Variants in ITPR2 observed in about 807,000 individuals in gnomAD.
ITPR2 encodes inositol 1,4,5-trisphosphate-gated calcium channel ITPR2.
ITPR2 carries 207 observed loss-of-function variants against 317.1 expected under a neutral mutation model. That is an observed-to-expected ratio of 0.65 (90% CI 0.58 to 0.73). The LOEUF (loss-of-function observed/expected upper bound fraction) is 0.73. ITPR2 is among the 30% of genes least tolerant of loss of function. The pLI, the probability that ITPR2 is intolerant of heterozygous loss-of-function variation, is 0.00. For missense variants in ITPR2, 2,613 were observed against 3,284.0 expected (o/e 0.80, Z 4.99); for synonymous variants, 1,156 against 1,149.1 (o/e 1.01, Z -0.12).
At chr12:26,680,457 GTTTT>G (rs1340674639) in intron 13 of ITPR2, among the ~76,000 whole-genome samples, 1 of 151,968 alleles carries the variant, frequency 6.6e-6, no homozygotes, top group Non-Finnish European at 1.5e-5. Flanking sequence ...AGCTTACACT[GTTTT>G]TTAAATTTTT....
chr12:26,705,519 G>A (rs1471945330), intron 9 of ITPR2, among the ~76,000 whole-genome samples: 1 of 152,010 alleles, frequency 6.6e-6, no homozygotes, highest in Non-Finnish European at 1.5e-5. Context: ...ACTCCCTAAT[G>A]ATCTTACCTG....
At chr12:26,720,899 G>A (rs1256835434) in intron 5 of ITPR2, among the ~76,000 whole-genome samples, 1 of 152,100 alleles carries the variant, frequency 6.6e-6, no homozygotes, top group African/African-American at 2.4e-5. Context: ...TATAATCCAC[G>A]GCTAATTTAA....
chr12:26,800,253 T>C (rs985879575), intron 1 of ITPR2, among the ~76,000 whole-genome samples: 1 of 152,164 alleles, frequency 6.6e-6, no homozygotes, highest in East Asian at 1.9e-4. Flanking sequence ...AAAAGTTTTA[T>C]ACTTGATATA....
At position 26,351,980 on chromosome 12, in the gene ITPR2, G is replaced by A. The variant is rs185337214; in HGVS notation, c.7858-11652C>T. 3.3e-5 allele frequency among the ~76,000 whole-genome samples: 5 copies of A among 152,318 alleles called. No homozygotes were observed. In the East Asian group the frequency reaches 9.7e-4, roughly 29 times the overall value. On this transcript the variant is annotated intron_variant, in intron 55 of 56. Coordinates refer to ENST00000381340, the MANE Select transcript of ITPR2 (RefSeq NM_002223.4). ...AGATTTCTTCATGGTGAGATTAAGG[G>A]AAAACATTTGGAATAGGGTATTGAA...
intron 23 of ITPR2, among the ~76,000 whole-genome samples, chr12:26,626,245 G>A (rs1045858721): frequency 3.9e-5 from 6 of 152,230 alleles, no homozygotes; most frequent in Admixed American, 2.6e-4. Context: ...GATTACAGGC[G>A]TGAGCCACCA....
At chr12:26,748,748 C>A (rs913806304) in intron 2 of ITPR2, among the ~76,000 whole-genome samples, 1 of 152,094 alleles carries the variant, frequency 6.6e-6, no homozygotes, top group African/African-American at 2.4e-5. Flanking sequence ...ATACCATTTC[C>A]TTCAGGAAAC....
intron 2 of ITPR2, among the ~76,000 whole-genome samples, chr12:26,762,699 C>G (rs962918048): frequency 3.3e-5 from 5 of 151,938 alleles, no homozygotes; most frequent in Admixed American, 3.3e-4. Flanking sequence ...ATGGATAAAT[C>G]GCTTTTAATT....
chr12:26,371,736 G>A (rs1939196297), intron 55 of ITPR2, among the ~76,000 whole-genome samples: 1 of 152,106 alleles, frequency 6.6e-6, no homozygotes, highest in African/African-American at 2.4e-5. Flanking sequence ...GAGCCCTCTT[G>A]GTTTATGGAT....
At chr12:26,559,197 T>G (rs1944745823) in intron 35 of ITPR2, among the ~76,000 whole-genome samples, 1 of 152,250 alleles carries the variant, frequency 6.6e-6, no homozygotes, top group Non-Finnish European at 1.5e-5. Context: ...CACAGTGATC[T>G]TTTAAAAAGT....
chr12:26,671,911 T>C (rs1947781733), intron 13 of ITPR2, among the ~76,000 whole-genome samples: 1 of 152,048 alleles, frequency 6.6e-6, no homozygotes, highest in African/African-American at 2.4e-5. Context: ...TAGTCTCTGA[T>C]AAAACAGACT....
At chr12:26,469,032 G>T (rs1476040458) in intron 45 of ITPR2, among the ~76,000 whole-genome samples, 1 of 152,074 alleles carries the variant, frequency 6.6e-6, no homozygotes, top group African/African-American at 2.4e-5. Context: ...TCAAGATTTA[G>T]TTCAAATGTC....
At chr12:26,536,157 G>C (rs1268887836) in intron 37 of ITPR2, among the ~76,000 whole-genome samples, 1 of 152,118 alleles carries the variant, frequency 6.6e-6, no homozygotes, top group African/African-American at 2.4e-5. Context: ...TTTGGAAAGA[G>C]GTGGCATATA....
At chr12:26,711,130 T>A in intron 9 of ITPR2, 43 bp downstream of exon 9, 3 of 1,371,772 alleles carry the variant, frequency 2.2e-6, no homozygotes, top group Non-Finnish European at 3.1e-6. Flanking sequence ...CTTTCACTAA[T>A]TCAGAGTCAG....
intron 34 of ITPR2, among the ~76,000 whole-genome samples, chr12:26,576,287 C>T (rs1945273228): frequency 6.6e-6 from 1 of 152,238 alleles, no homozygotes; most frequent in African/African-American, 2.4e-5. Context: ...CCATCCACCA[C>T]TCAGAGATAA....
chr12:26,671,065 A>G (rs1428861698), intron 13 of ITPR2, among the ~76,000 whole-genome samples: 1 of 152,052 alleles, frequency 6.6e-6, no homozygotes, highest in African/African-American at 2.4e-5. Context: ...GACCAAATCT[A>G]CGTCTGATTG....
intron 18 of ITPR2, among the ~76,000 whole-genome samples, chr12:26,657,047 C>T (rs1026399044): frequency 3.9e-5 from 6 of 152,330 alleles, no homozygotes; most frequent in South Asian, 2.1e-4. Flanking sequence ...GATTTGGTTG[C>T]TATAGCTGTA....
intron 10 of ITPR2, among the ~76,000 whole-genome samples, chr12:26,687,706 G>A (rs1205559729): frequency 1.3e-5 from 2 of 152,114 alleles, no homozygotes; most frequent in Non-Finnish European, 2.9e-5. Flanking sequence ...TGGTAGCACC[G>A]TTGAAATGGG....
intron 37 of ITPR2, among the ~76,000 whole-genome samples, chr12:26,538,339 C>T (rs151219632): frequency 6.1e-4 from 90 of 147,208 alleles, no homozygotes; most frequent in Admixed American, 2.1e-3. Flanking sequence ...CACAAACACA[C>T]CTTTTTGAAA....
At position 26,597,124 on chromosome 12, in the gene ITPR2, C is replaced by T; in HGVS notation, c.4013G>A (p.Gly1338Glu). 6.2e-7 allele frequency: 1 copy of T among 1,613,710 alleles called. No homozygotes were observed. The stretch of plus-strand genomic sequence containing the variant: ...GTAAAATATCAGCACGTCTTCACCC[C>T]CATTTATCAACTGAAATGATAATAA... ...QDMVMTELIN[G>E]GEDVLIFYND... The change falls in exon 31 of 57, where the codon GGG becomes GAG. Residue 1338 changes from glycine to glutamate, a missense_variant. Gly to Glu is a moderately conservative substitution (Grantham distance 98). This residue lies in a region of ITPR2 where 817 missense variants were observed against 897.6 expected (regional missense o/e 0.91). Coordinates refer to ENST00000381340, the MANE Select transcript of ITPR2 (RefSeq NM_002223.4).
Sources: allele counts gnomAD v4.1 joint callset (sites outside exome capture counted in the v4.1 genomes callset), GRCh38; gene constraint gnomAD v4.1.1; regional missense constraint gnomAD v4.1.1; transcripts MANE v1.5; gene names NCBI Gene and HGNC (gene_info 2026-07-23, HGNC 2026-07-21).